MCTP2: variants seen among roughly 807,000 people sequenced by gnomAD.
The protein encoded by MCTP2 is multiple C2 and transmembrane domain containing 2.
MCTP2 carries 132 observed loss-of-function variants against 111.6 expected under a neutral mutation model. The ratio of observed to expected loss-of-function variants is 1.18; its 90% CI spans 1.03 to 1.37. The LOEUF (loss-of-function observed/expected upper bound fraction) is 1.37. MCTP2 is among the 40% of genes most tolerant of loss of function. The pLI is 0.00. For missense variants in MCTP2, 1,183 were observed against 1,067.9 expected, an observed-to-expected ratio of 1.11 and a Z score of -1.50; for synonymous variants, 395 against 387.7, an observed-to-expected ratio of 1.02 and a Z score of -0.22.
intron 14 of MCTP2, 81 bp downstream of exon 14, chr15:94,385,606 T>C (rs2080416227): frequency 1.0e-6 from 1 of 975,808 alleles, no homozygotes; most frequent in Non-Finnish European, 1.6e-6. Context: ...GCTTTATCTT[T>C]GTCAACCTGG....
chr15:94,416,986 G>A (rs1347506630), intron 17 of MCTP2, among the ~76,000 whole-genome samples: 1 of 152,084 alleles, frequency 6.6e-6, no homozygotes, highest in East Asian at 1.9e-4. Context: ...CCCTCTGAGC[G>A]CCTCAAGTCT....
At chr15:94,476,843 C>T (rs1341640222) in intron 22 of MCTP2, 50 bp downstream of exon 22, 1 of 1,076,724 alleles carries the variant, frequency 9.3e-7, no homozygotes, top group East Asian at 2.4e-5. Flanking sequence ...TGAAATCTGG[C>T]CAGCCCCGGA....
In MCTP2 at chr15:94,463,348, T is replaced by C. The variant is rs916734675; in HGVS notation, c.2360+5102T>C. Reference sequence around the variant, plus strand: ...TGTGTGAAATATATTCCTGAGTACTTGATAGTGTGGTGCTAGTTTAAATGG... The same window carrying C: ...TGTGTGAAATATATTCCTGAGTACTCGATAGTGTGGTGCTAGTTTAAATGG... On this transcript the variant is annotated intron_variant, in intron 20 of 22. Transcript: ENST00000357742. Among the ~76,000 whole-genome samples the C allele has an allele frequency of 2.0e-5, 3 of 152,324 alleles. No individual in the cohort carries two copies. In the South Asian group the frequency reaches 6.2e-4, roughly 32 times the overall value.
At chr15:94,242,350 AC>A (rs2071031316) in intron 1 of MCTP2, among the ~76,000 whole-genome samples, 1 of 152,300 alleles carries the variant, frequency 6.6e-6, no homozygotes, top group Admixed American at 6.5e-5. Flanking sequence ...ACTGCCTTGC[AC>A]ATAACAGATA....
rs1430198622 is a variant in MCTP2, at chr15:94,244,235, T to C, written c.-66+12571T>C. ...ACATACATATGTGTATATATTTATATACACGTGTATACACATATGTGTATA... is the reference window on the plus strand; with the variant it reads ...ACATACATATGTGTATATATTTATACACACGTGTATACACATATGTGTATA... On this transcript the variant is annotated intron_variant, in intron 1 of 22. Coordinates refer to ENST00000357742, the MANE Select transcript of MCTP2 (RefSeq NM_001385001.1). Among the ~76,000 whole-genome samples the C allele has an allele frequency of 3.4e-3, 410 of 119,966 alleles. 4 individuals are homozygous for C. Among genetic ancestry groups the C allele is most frequent in the African/African-American group, 0.013 (401 of 29,820 alleles). 78.7% of individuals were successfully genotyped at this position (119,966 alleles called of 152,430 possible). A position where few individuals can be genotyped will look rare whatever the true frequency, so the allele number is the denominator to read the frequency against.
intron 1 of MCTP2, among the ~76,000 whole-genome samples, chr15:94,277,836 A>AATATG (rs2152309096): frequency 6.6e-6 from 1 of 152,294 alleles, no homozygotes; most frequent in East Asian, 1.9e-4. Context: ...TTTAGTTGTT[A>AATATG]ATCATGTGTA....
intron 1 of MCTP2, among the ~76,000 whole-genome samples, chr15:94,275,403 C>A (rs935567336): frequency 6.6e-6 from 1 of 152,030 alleles, no homozygotes; most frequent in Non-Finnish European, 1.5e-5. Context: ...TAACAGAAAT[C>A]ATCAAGATCA....
At chr15:94,451,052 G>A (rs998857132) in intron 19 of MCTP2, among the ~76,000 whole-genome samples, 2 of 152,208 alleles carry the variant, frequency 1.3e-5, no homozygotes, top group South Asian at 4.1e-4. Context: ...GATTTGCCCT[G>A]ATTTTTAAAA....
At chr15:94,243,582 C>G (rs528532223) in intron 1 of MCTP2, among the ~76,000 whole-genome samples, 1 of 149,070 alleles carries the variant, frequency 6.7e-6, no homozygotes. Flanking sequence ...CATACGTATG[C>G]GTATATTTGT....
chr15:94,395,902 C>T (rs1345862200), intron 14 of MCTP2, among the ~76,000 whole-genome samples: 1 of 152,054 alleles, frequency 6.6e-6, no homozygotes, highest in African/African-American at 2.4e-5. Context: ...TGTTAGCATG[C>T]TCTATAAAAG....
At chr15:94,383,583 C>T (rs372250176) in intron 12 of MCTP2, among the ~76,000 whole-genome samples, 6 of 152,256 alleles carry the variant, frequency 3.9e-5, no homozygotes, top group South Asian at 2.1e-4. Flanking sequence ...ACGTCTTACA[C>T]GGCATCAGGC....
intron 1 of MCTP2, among the ~76,000 whole-genome samples, chr15:94,245,732 A>C (rs897591645): frequency 5.2e-4 from 77 of 148,432 alleles, no homozygotes; most frequent in African/African-American, 1.5e-3. Context: ...ATATATATAT[A>C]TATCTATATA....
intron 18 of MCTP2, among the ~76,000 whole-genome samples, 195 bp downstream of exon 18, chr15:94,440,493 C>T (rs1459494558): frequency 6.6e-6 from 1 of 152,174 alleles, no homozygotes; most frequent in Non-Finnish European, 1.5e-5. Flanking sequence ...ATCTTACGTT[C>T]CTGAGTCTTG....
At chr15:94,428,889 C>T (rs753696084) in intron 17 of MCTP2, among the ~76,000 whole-genome samples, 11 of 152,078 alleles carry the variant, frequency 7.2e-5, no homozygotes, top group Non-Finnish European at 1.5e-4. Flanking sequence ...TCTCTACTTT[C>T]ATTAGACTTG....
At chr15:94,381,752 T>C (rs1370872802) in intron 12 of MCTP2, among the ~76,000 whole-genome samples, 1 of 152,216 alleles carries the variant, frequency 6.6e-6, no homozygotes, top group Non-Finnish European at 1.5e-5. Context: ...GCCAAAAGTA[T>C]GTGGTCTCTT....
rs766355778 is a variant in MCTP2, at chr15:94,476,730, C to T, written c.2505C>T (p.Pro835=). The change falls in exon 22 of 23, where the codon CCC becomes CCT. Residue 835 remains proline, a synonymous_variant. Coordinates refer to ENST00000357742, the MANE Select transcript of MCTP2 (RefSeq NM_001385001.1). ...AATTTACTAAGAAGCTTCGAAATCC[C>T]TATTCCATCGACAATAATGAGCTAC... ...INKFTKKLRN[P]YSIDNNELLD... 2.5e-6 allele frequency: 4 copies of T among 1,607,804 alleles called. No homozygotes were observed. Among genetic ancestry groups the T allele is most frequent in the Non-Finnish European group, 2.6e-6 (3 of 1,174,638 alleles).
At chr15:94,328,349 T>C (rs140385534) in intron 4 of MCTP2, among the ~76,000 whole-genome samples, 4,656 of 152,030 alleles carry the variant, frequency 0.031, 119 homozygotes, top group African/African-American at 0.065. Flanking sequence ...AGGATGGTCT[T>C]GATCTCCTGA....
At chr15:94,455,337 T>C (rs2084752707) in intron 19 of MCTP2, among the ~76,000 whole-genome samples, 1 of 152,212 alleles carries the variant, frequency 6.6e-6, no homozygotes, top group South Asian at 2.1e-4. Flanking sequence ...ATGAAGTATA[T>C]ACAGATTTCA....
chr15:94,260,537 C>G (rs947831514), intron 1 of MCTP2, among the ~76,000 whole-genome samples: 3 of 152,118 alleles, frequency 2.0e-5, no homozygotes, highest in African/African-American at 7.2e-5. Context: ...GGACTTTGAA[C>G]TTGTACAAAG....
Sources: allele counts gnomAD v4.1 joint callset (sites outside exome capture counted in the v4.1 genomes callset), GRCh38; gene constraint gnomAD v4.1.1; transcripts MANE v1.5; gene names NCBI Gene and HGNC (gene_info 2026-07-23, HGNC 2026-07-21).